Variants in GNA14 observed in about 807,000 individuals in gnomAD.
GNA14 encodes the protein G protein subunit alpha 14.
GNA14 carries 50 observed loss-of-function variants against 42.0 expected under a neutral mutation model. The observed-to-expected ratio is 1.19, with a 90% CI of 0.95 to 1.51. GNA14 has a LOEUF of 1.51. Ranked by LOEUF, GNA14 falls within the 40% of genes most tolerant of loss-of-function variation. The pLI is 0.00. For missense variants in GNA14, 473 were observed against 446.2 expected, an observed-to-expected ratio of 1.06 and a Z score of -0.54; for synonymous variants, 173 against 163.1, an observed-to-expected ratio of 1.06 and a Z score of -0.46.
rs538635919 is a variant in GNA14 at position 77,537,293 on chromosome 9, A to C, written c.125-8040T>G. Among the ~76,000 whole-genome samples the C allele has an allele frequency of 3.9e-5, 6 of 152,224 alleles. No homozygotes were observed. The East Asian group carries it at 1.2e-3, about 29-fold the overall frequency. Reference sequence around the variant, plus strand: ...TTCTATTCTCGGCTCCACAAGACCAAGTGTTTTATCTCCCACCTATGAGTG... The same window carrying C: ...TTCTATTCTCGGCTCCACAAGACCACGTGTTTTATCTCCCACCTATGAGTG... On this transcript the variant is annotated intron_variant, in intron 1 of 6. Transcript: ENST00000341700.
intron 1 of GNA14, among the ~76,000 whole-genome samples, chr9:77,617,211 A>G (rs559765572): frequency 6.6e-6 from 1 of 152,248 alleles, no homozygotes; most frequent in South Asian, 2.1e-4. Flanking sequence ...GGATATTCAC[A>G]ATTATAAAGA....
chr9:77,503,959 G>A (rs1837018069), intron 2 of GNA14, among the ~76,000 whole-genome samples: 1 of 152,136 alleles, frequency 6.6e-6, no homozygotes, highest in Non-Finnish European at 1.5e-5. Flanking sequence ...AGGATTGCAG[G>A]TGTGAGCCAC....
intron 2 of GNA14, among the ~76,000 whole-genome samples, chr9:77,452,290 T>C (rs1835915091): frequency 6.6e-6 from 1 of 152,162 alleles, no homozygotes; most frequent in African/African-American, 2.4e-5. Flanking sequence ...GCACTCCAGA[T>C]CTTGGTGGAG....
At chr9:77,521,731 TTGA>T (rs1445311741) in intron 2 of GNA14, among the ~76,000 whole-genome samples, 1 of 152,260 alleles carries the variant, frequency 6.6e-6, no homozygotes, top group Non-Finnish European at 1.5e-5. Context: ...TGTTTTATAC[TTGA>T]TGAATTATCT....
At chr9:77,550,117 C>T (rs1048244311) in intron 1 of GNA14, among the ~76,000 whole-genome samples, 1 of 152,102 alleles carries the variant, frequency 6.6e-6, no homozygotes, top group African/African-American at 2.4e-5. Flanking sequence ...GAAGGGAACA[C>T]CAGCCAGGGG....
chr9:77,536,027 T>C (rs1293931886), intron 1 of GNA14, among the ~76,000 whole-genome samples: 1 of 152,164 alleles, frequency 6.6e-6, no homozygotes, highest in African/African-American at 2.4e-5. Flanking sequence ...AAGTTACTCC[T>C]GCTAGTTTCT....
chr9:77,484,154 G>A (rs1471510006), intron 2 of GNA14, among the ~76,000 whole-genome samples: 1 of 152,200 alleles, frequency 6.6e-6, no homozygotes, highest in Non-Finnish European at 1.5e-5. Context: ...GTAAAGGGAA[G>A]TGTCATAATC....
intron 5 of GNA14, 65 bp downstream of exon 5, chr9:77,428,842 C>T: frequency 6.5e-7 from 1 of 1,549,430 alleles, no homozygotes; most frequent in Non-Finnish European, 8.8e-7. Flanking sequence ...GACCCGGCTG[C>T]CTTCTTAGAA....
At chr9:77,558,737 G>A (rs1302005515) in intron 1 of GNA14, among the ~76,000 whole-genome samples, 4 of 151,942 alleles carry the variant, frequency 2.6e-5, no homozygotes, top group African/African-American at 7.3e-5. Context: ...TAGAGACTGG[G>A]GCCTGCCTTC....
In GNA14 at chr9:77,647,939, C is replaced by A; in HGVS notation, c.-146G>T. 1.1e-6 allele frequency: 1 copy of A among 904,640 alleles called. No individual in the cohort carries two copies. The allele number at this position is 904,640 out of a possible 1,614,324, so 56.0% of individuals were successfully genotyped here. A position where few individuals can be genotyped will look rare whatever the true frequency, so the allele number is the denominator to read the frequency against. On this transcript the variant is annotated 5_prime_UTR_variant, in exon 1 of 7. It adds an upstream start codon to the 5' untranslated region. Transcript: ENST00000341700. ...CGACTTGAGCTTTGGAGTAAGACGCCTGGACCTCCGAGGCTCAATCCCCCT... is the reference window on the plus strand; with the variant it reads ...CGACTTGAGCTTTGGAGTAAGACGCATGGACCTCCGAGGCTCAATCCCCCT...
chr9:77,525,627 C>T (rs1837421889), intron 2 of GNA14, among the ~76,000 whole-genome samples: 1 of 151,576 alleles, frequency 6.6e-6, no homozygotes, highest in Non-Finnish European at 1.5e-5. Flanking sequence ...CAAGCTCTGC[C>T]TCCCAGGTTC....
At chr9:77,593,344 T>C (rs567141247) in intron 1 of GNA14, among the ~76,000 whole-genome samples, 1 of 152,000 alleles carries the variant, frequency 6.6e-6, no homozygotes, top group South Asian at 2.1e-4. Context: ...CTTTTTTTTT[T>C]TGAAACGGAG....
intron 1 of GNA14, among the ~76,000 whole-genome samples, chr9:77,631,646 A>T (rs901755793): frequency 1.3e-5 from 2 of 152,180 alleles, no homozygotes; most frequent in African/African-American, 4.8e-5. Context: ...CAAAAAGTAA[A>T]ATAAAACAAA....
intron 1 of GNA14, among the ~76,000 whole-genome samples, chr9:77,571,113 G>A (rs1823052093): frequency 1.3e-5 from 2 of 151,186 alleles, no homozygotes; most frequent in Non-Finnish European, 2.9e-5. Flanking sequence ...GCTAGTAGTA[G>A]CATTTAAACC....
intron 2 of GNA14, among the ~76,000 whole-genome samples, chr9:77,434,769 G>T (rs1316558592): frequency 6.6e-6 from 1 of 152,170 alleles, no homozygotes; most frequent in Non-Finnish European, 1.5e-5. Context: ...CAGCTTCTGT[G>T]CCCAGCCATG....
chr9:77,607,880 C>A (rs943953958), intron 1 of GNA14, among the ~76,000 whole-genome samples: 1 of 152,128 alleles, frequency 6.6e-6, no homozygotes, highest in African/African-American at 2.4e-5. Context: ...TGGGACCGCA[C>A]CCTCCTGACC....
chr9:77,609,961 A>C (rs1823704754), intron 1 of GNA14, among the ~76,000 whole-genome samples: 1 of 152,196 alleles, frequency 6.6e-6, no homozygotes, highest in Admixed American at 6.5e-5. Flanking sequence ...GAAGCTCATC[A>C]AACAACCAGG....
chr9:77,480,443 T>C (rs558728454), intron 2 of GNA14, among the ~76,000 whole-genome samples: 1 of 152,288 alleles, frequency 6.6e-6, no homozygotes, highest in East Asian at 1.9e-4. Context: ...TGCTGCTGGA[T>C]TCGGTTTGCC....
intron 1 of GNA14, among the ~76,000 whole-genome samples, chr9:77,596,263 T>C (rs561427534): frequency 6.6e-6 from 1 of 152,242 alleles, no homozygotes; most frequent in Non-Finnish European, 1.5e-5. Context: ...TATAATTTTC[T>C]GAGTGACTGA....
Sources: gnomAD v4.1 joint callset for allele counts (sites outside exome capture counted in the v4.1 genomes callset) on GRCh38, gnomAD v4.1.1 for gene constraint, MANE v1.5 for transcripts, NCBI Gene and HGNC (gene_info 2026-07-23, HGNC 2026-07-21) for gene names.